The following DTD1 variants were observed in gnomAD, a reference collection of about 807,000 sequenced individuals.
DTD1 encodes the protein D-tyrosyl-tRNA deacylase 1 homolog.
In DTD1, 13 loss-of-function variants were observed where a neutral mutation model predicts 25.6. The observed-to-expected ratio is 0.51, with a 90% CI of 0.33 to 0.81. The LOEUF (loss-of-function observed/expected upper bound fraction) is 0.81, where lower values mean the gene tolerates loss of function less well. Ranked by LOEUF, DTD1 falls within the 30% of genes least tolerant of loss-of-function variation. DTD1 has a pLI of 0.02. For synonymous variants in DTD1, 110 were observed against 103.6 expected (o/e 1.06, Z -0.37); for missense variants, 193 against 266.4 (o/e 0.72, Z 1.92).
At chr20:18,611,846 A>T (rs6081244) in intron 3 of DTD1, among the ~76,000 whole-genome samples, 126,592 of 151,406 alleles carry the variant, frequency 0.84, 53,893 homozygotes, top group Non-Finnish European at 0.93. Context: ...ATGTTTTTTT[A>T]AAATTATTAT....
At chr20:18,730,627 G>T (rs1281144361) in intron 4 of DTD1, among the ~76,000 whole-genome samples, 1 of 152,112 alleles carries the variant, frequency 6.6e-6, no homozygotes, top group East Asian at 1.9e-4. Flanking sequence ...TGTGAATCTG[G>T]ATTTTGGATC....
At chr20:18,722,248 G>T (rs987237359) in intron 4 of DTD1, among the ~76,000 whole-genome samples, 1 of 152,222 alleles carries the variant, frequency 6.6e-6, no homozygotes, top group African/African-American at 2.4e-5. Flanking sequence ...TGGGCATGGG[G>T]TTCCTGGGAG....
At chr20:18,738,182 T>G (rs902349322) in intron 4 of DTD1, among the ~76,000 whole-genome samples, 1 of 152,172 alleles carries the variant, frequency 6.6e-6, no homozygotes, top group Non-Finnish European at 1.5e-5. Context: ...GTTAATAGAT[T>G]AAGCAAGAGA....
At chr20:18,624,919 T>C (rs1453594300) in intron 3 of DTD1, among the ~76,000 whole-genome samples, 1 of 152,224 alleles carries the variant, frequency 6.6e-6, no homozygotes, top group Non-Finnish European at 1.5e-5. Flanking sequence ...GTTTGTTTCT[T>C]CTCATGGCTT....
intron 4 of DTD1, among the ~76,000 whole-genome samples, chr20:18,651,667 C>T (rs2060874498): frequency 6.6e-6 from 1 of 152,172 alleles, no homozygotes. Flanking sequence ...GGGCCCCTCC[C>T]CAAAACGGTT....
chr20:18,739,584 G>A (rs1246717398), intron 4 of DTD1, among the ~76,000 whole-genome samples: 1 of 152,214 alleles, frequency 6.6e-6, no homozygotes, highest in African/African-American at 2.4e-5. Context: ...AAACCCAGAA[G>A]TACTCTATTT....
chr20:18,726,058 G>A (rs1046272729), intron 4 of DTD1, among the ~76,000 whole-genome samples: 6 of 152,196 alleles, frequency 3.9e-5, no homozygotes, highest in Admixed American at 6.5e-5. Flanking sequence ...ATAGAAGAGG[G>A]AAGCCAGTTG....
chr20:18,622,119 A>G (rs1255912176), intron 3 of DTD1, among the ~76,000 whole-genome samples: 1 of 152,146 alleles, frequency 6.6e-6, no homozygotes, highest in Admixed American at 6.6e-5. Flanking sequence ...CAGAACGTGC[A>G]GATTTGTTAC....
At chr20:18,723,267 C>T (rs2061211850) in intron 4 of DTD1, among the ~76,000 whole-genome samples, 1 of 152,206 alleles carries the variant, frequency 6.6e-6, no homozygotes, top group Admixed American at 6.5e-5. Flanking sequence ...CAGGGGAAGG[C>T]AGGAGACAGG....
chr20:18,630,074 G>A (rs2060778815), intron 4 of DTD1, among the ~76,000 whole-genome samples: 1 of 151,986 alleles, frequency 6.6e-6, no homozygotes, highest in Admixed American at 6.6e-5. Context: ...GATGTAGTAG[G>A]CTAGACTTCA....
At chr20:18,707,709 A>G (rs2061132069) in intron 4 of DTD1, among the ~76,000 whole-genome samples, 1 of 152,102 alleles carries the variant, frequency 6.6e-6, no homozygotes, top group African/African-American at 2.4e-5. Flanking sequence ...TCTCTGGACT[A>G]GTGGGCTTTG....
At chr20:18,611,136 A>G (rs897679403) in intron 3 of DTD1, 3 of 152,250 alleles carry the variant, frequency 2.0e-5, no homozygotes, top group Non-Finnish European at 2.9e-5. Context: ...CATCCTTGTC[A>G]AGGGCTAACC....
chr20:18,609,801 C>G (rs1484320931), intron 3 of DTD1, among the ~76,000 whole-genome samples: 3 of 152,214 alleles, frequency 2.0e-5, no homozygotes, highest in Non-Finnish European at 4.4e-5. Context: ...AGATTTGCCT[C>G]TCCTGGAAAT....
At chr20:18,666,981 C>G (rs538694963) in intron 4 of DTD1, among the ~76,000 whole-genome samples, 1 of 151,976 alleles carries the variant, frequency 6.6e-6, no homozygotes, top group Non-Finnish European at 1.5e-5. Flanking sequence ...GGAAGCAGCC[C>G]CAGGTGACTA....
chr20:18,637,653 G>A (rs546848237), intron 4 of DTD1, among the ~76,000 whole-genome samples: 1 of 152,312 alleles, frequency 6.6e-6, no homozygotes, highest in African/African-American at 2.4e-5. Flanking sequence ...CGACATCTTA[G>A]CCTCTGCATG....
Position 18,628,237 on chromosome 20 carries a change from A to AGCCTGGAGTCTGGT in DTD1, c.477+11_477+24dup. 1 of 1,611,854 alleles carries AGCCTGGAGTCTGGT rather than the reference A, an allele frequency of 6.2e-7. No homozygotes were observed. The highest frequency in any genetic ancestry group is 8.5e-7 in the Non-Finnish European group (1 of 1,178,330). ...TGCTACCTCTGACCCAAAGCAGGTA[A>AGCCTGGAGTCTGGT]GCCTGGAGTCTGGTGCCTGGCTCCG... On this transcript the variant is annotated splice_donor_region_variant and intron_variant, in intron 4 of 5. Coordinates refer to ENST00000377452, the MANE Select transcript of DTD1 (RefSeq NM_080820.6).
chr20:18,759,180 CTCTT>C (rs1252140607), intron 5 of DTD1, among the ~76,000 whole-genome samples: 2 of 152,266 alleles, frequency 1.3e-5, no homozygotes, highest in South Asian at 2.1e-4. Flanking sequence ...TGGGTCTTGA[CTCTT>C]TATCCGATTT....
chr20:18,756,245 C>T (rs2061338891), intron 5 of DTD1, among the ~76,000 whole-genome samples: 1 of 152,122 alleles, frequency 6.6e-6, no homozygotes, highest in African/African-American at 2.4e-5. Context: ...ATGGTAGTTT[C>T]TTTTGCTGTG....
At chr20:18,612,211 T>A (rs1463513732) in intron 3 of DTD1, among the ~76,000 whole-genome samples, 3 of 151,698 alleles carry the variant, frequency 2.0e-5, no homozygotes, top group African/African-American at 7.3e-5. Flanking sequence ...ATTTTTTGTA[T>A]TTTTAGTAGA....
Sources: allele counts gnomAD v4.1 joint callset (sites outside exome capture counted in the v4.1 genomes callset), GRCh38; gene constraint gnomAD v4.1.1; transcripts MANE v1.5; gene names NCBI Gene and HGNC (gene_info 2026-07-23, HGNC 2026-07-21).